GMDS: variants seen among roughly 807,000 people sequenced by gnomAD.
The protein encoded by GMDS is GDP-mannose 4,6-dehydratase, also known as GDP-mannose 4,6 dehydratase.
A neutral mutation model predicts 49.9 loss-of-function variants in GMDS; 20 were observed. The observed-to-expected ratio is 0.40, with a 90% confidence interval of 0.28 to 0.58. The LOEUF is 0.58. GMDS is among the 20% of genes least tolerant of loss of function. The pLI, the probability that GMDS is intolerant of heterozygous loss-of-function variation, is 0.42. For missense variants in GMDS, 362 were observed against 481.4 expected, an observed-to-expected ratio of 0.75 and a Z score of 2.32; for synonymous variants, 177 against 178.6, an observed-to-expected ratio of 0.99 and a Z score of 0.07.
At chr6:2,141,165 G>A (rs1256732989) in intron 1 of GMDS, among the ~76,000 whole-genome samples, 1 of 152,194 alleles carries the variant, frequency 6.6e-6, no homozygotes, top group East Asian at 1.9e-4. Flanking sequence ...AGTCAAAGGT[G>A]AAACCATCAA....
At chr6:1,633,462 C>A (rs1763055526) in intron 9 of GMDS, among the ~76,000 whole-genome samples, 1 of 152,148 alleles carries the variant, frequency 6.6e-6, no homozygotes, top group East Asian at 1.9e-4. Flanking sequence ...TAGGGTCTGG[C>A]AGCACAAGAG....
At chr6:2,028,164 A>C (rs1768719154) in intron 4 of GMDS, among the ~76,000 whole-genome samples, 1 of 152,216 alleles carries the variant, frequency 6.6e-6, no homozygotes, top group Non-Finnish European at 1.5e-5. Flanking sequence ...TAAAATGAAT[A>C]CTTTTGTTCA....
At chr6:1,695,515 C>A (rs1765307591) in intron 9 of GMDS, among the ~76,000 whole-genome samples, 2 of 152,190 alleles carry the variant, frequency 1.3e-5, no homozygotes, top group Non-Finnish European at 2.9e-5. Context: ...ATACAGGGCA[C>A]AGATTTTCTG....
rs148486125 is a variant in GMDS at position 2,145,225 on chromosome 6, C to T, written c.103-20494G>A. On this transcript the variant is annotated intron_variant, in intron 1 of 10. Transcript: ENST00000380815. Reference sequence around the variant, plus strand: ...TTAGTACCCAAAACACCAAACGTATCTAAGAAGCCTTAAATATCAAATTTT... The same window carrying T: ...TTAGTACCCAAAACACCAAACGTATTTAAGAAGCCTTAAATATCAAATTTT... Among the ~76,000 whole-genome samples, 863 of 152,286 alleles carry T rather than the reference C, an allele frequency of 5.7e-3. 2 individuals carry two copies. The highest frequency in any genetic ancestry group is 0.017 in the Middle Eastern group (5 of 294).
intron 4 of GMDS, among the ~76,000 whole-genome samples, chr6:1,988,718 AAC>A (rs1181424782): frequency 4.6e-5 from 7 of 152,344 alleles, no homozygotes; most frequent in Middle Eastern, 3.4e-3. Context: ...AATATTTAAA[AAC>A]AGTGTTTTTA....
intron 7 of GMDS, among the ~76,000 whole-genome samples, chr6:1,819,779 ATAT>A (rs1561825439): frequency 1.3e-3 from 116 of 87,824 alleles, no homozygotes; most frequent in African/African-American, 4.3e-3. Context: ...AAAAAAAAAT[ATAT>A]ATATATATAT....
chr6:1,765,059 C>T (rs1363977095), intron 7 of GMDS, among the ~76,000 whole-genome samples: 1 of 151,764 alleles, frequency 6.6e-6, no homozygotes, highest in African/African-American at 2.4e-5. Flanking sequence ...TGTGACTTCT[C>T]AATGAGGAAG....
At chr6:1,795,432 C>T (rs1378520393) in intron 7 of GMDS, among the ~76,000 whole-genome samples, 2 of 152,104 alleles carry the variant, frequency 1.3e-5, no homozygotes, top group African/African-American at 2.4e-5. Context: ...TCCCTTTTCC[C>T]ATATATCTGT....
chr6:2,013,760 T>C (rs1027143862), intron 4 of GMDS, among the ~76,000 whole-genome samples: 1 of 151,284 alleles, frequency 6.6e-6, no homozygotes, highest in African/African-American at 2.4e-5. Flanking sequence ...AATGAAACAA[T>C]GTCCAAGAAC....
chr6:1,863,677 G>A (rs1013566794), intron 7 of GMDS, among the ~76,000 whole-genome samples: 16 of 152,046 alleles, frequency 1.1e-4, no homozygotes, highest in Non-Finnish European at 1.5e-5. Context: ...GATTTAGACA[G>A]GTTTACAAGG....
intron 9 of GMDS, among the ~76,000 whole-genome samples, chr6:1,695,786 C>T (rs988784011): frequency 6.6e-5 from 10 of 152,238 alleles, no homozygotes; most frequent in Admixed American, 5.2e-4. Flanking sequence ...CAGGCTCAAA[C>T]TTAAGAGCCT....
chr6:2,053,867 G>A (rs182308087), intron 4 of GMDS, among the ~76,000 whole-genome samples: 207 of 152,198 alleles, frequency 1.4e-3, no homozygotes, highest in Admixed American at 4.3e-3. Context: ...TAAGTAAATA[G>A]TTGGGCAATT....
chr6:2,128,602 C>G (rs1775577637), intron 1 of GMDS, among the ~76,000 whole-genome samples: 1 of 152,284 alleles, frequency 6.6e-6, no homozygotes, highest in Middle Eastern at 3.4e-3. Flanking sequence ...ATCCTAGCCA[C>G]CCACTGTTTT....
intron 8 of GMDS, among the ~76,000 whole-genome samples, chr6:1,726,830 C>G (rs1332015607): frequency 6.6e-6 from 1 of 151,988 alleles, no homozygotes; most frequent in Admixed American, 6.5e-5. Flanking sequence ...TTTTGTATTT[C>G]TCTAGACCAT....
At chr6:2,152,370 T>C (rs1431562444) in intron 1 of GMDS, among the ~76,000 whole-genome samples, 1 of 152,156 alleles carries the variant, frequency 6.6e-6, no homozygotes, top group Non-Finnish European at 1.5e-5. Context: ...TATCATTTGA[T>C]TGATGATATA....
intron 3 of GMDS, among the ~76,000 whole-genome samples, chr6:2,116,272 T>C (rs1774844099): frequency 6.6e-6 from 1 of 152,080 alleles, no homozygotes. Flanking sequence ...CTGATGATGA[T>C]GAAGACAGCT....
At chr6:1,705,665 G>A (rs76279673) in intron 9 of GMDS, among the ~76,000 whole-genome samples, 12,548 of 152,212 alleles carry the variant, frequency 0.082, 572 homozygotes, top group South Asian at 0.14. Flanking sequence ...ATAATGGACT[G>A]CGCATGGTGT....
At chr6:2,172,022 A>G (rs1778034561) in intron 1 of GMDS, among the ~76,000 whole-genome samples, 1 of 152,154 alleles carries the variant, frequency 6.6e-6, no homozygotes, top group African/African-American at 2.4e-5. Context: ...CCTTCCAAAC[A>G]CTACGGAAGA....
At chr6:1,749,362 C>A (rs547743317) in intron 7 of GMDS, among the ~76,000 whole-genome samples, 1 of 151,698 alleles carries the variant, frequency 6.6e-6, no homozygotes. Flanking sequence ...CTGAGGCAGG[C>A]GGATATCTTG....
Sources: gnomAD v4.1 joint callset for allele counts (sites outside exome capture counted in the v4.1 genomes callset) on GRCh38, gnomAD v4.1.1 for gene constraint, MANE v1.5 for transcripts, NCBI Gene and HGNC (gene_info 2026-07-23, HGNC 2026-07-21) for gene names.